The following SNW1 variants were observed in gnomAD, a reference collection of about 807,000 sequenced individuals.
SNW1 encodes the protein SNW domain-containing protein 1.
Under a neutral mutation model 75.6 loss-of-function variants are expected in SNW1, and 9 were observed. The ratio of observed to expected loss-of-function variants is 0.12; its 90% CI spans 0.07 to 0.21. The LOEUF is 0.21. Among genes scored for constraint, SNW1 ranks in the 10% least tolerant of loss-of-function variants. SNW1 has a pLI of 1.00. For synonymous variants in SNW1, 200 were observed against 219.1 expected (o/e 0.91, Z 0.77); for missense variants, 409 against 670.9 (o/e 0.61, Z 4.31).
At chr14:77,756,617 C>T (rs771378580) in intron 1 of SNW1, among the ~76,000 whole-genome samples, 1 of 152,154 alleles carries the variant, frequency 6.6e-6, no homozygotes, top group Non-Finnish European at 1.5e-5. Context: ...GCCATGGTGG[C>T]TCACACCTGT....
chr14:77,740,833 A>G (rs768682356), intron 3 of SNW1, among the ~76,000 whole-genome samples: 1 of 152,182 alleles, frequency 6.6e-6, no homozygotes, highest in Non-Finnish European at 1.5e-5. Flanking sequence ...ACGGTGGCTC[A>G]CGCCTGTAAT....
At chr14:77,734,905 A>G (rs372137817) in intron 8 of SNW1, 42 bp downstream of exon 8, 13 of 1,341,758 alleles carry the variant, frequency 9.7e-6, no homozygotes, top group African/African-American at 1.4e-5. Flanking sequence ...GGTGTTTTCC[A>G]GTAGGTTATA....
At chr14:77,753,138 T>C (rs772922280) in intron 2 of SNW1, among the ~76,000 whole-genome samples, 7 of 152,226 alleles carry the variant, frequency 4.6e-5, no homozygotes, top group Non-Finnish European at 1.0e-4. Flanking sequence ...GCAGCATCCA[T>C]AGCATTTCCA....
chr14:77,740,747 G>A (rs1396912877), intron 3 of SNW1, among the ~76,000 whole-genome samples: 1 of 152,112 alleles, frequency 6.6e-6, no homozygotes, highest in Non-Finnish European at 1.5e-5. Flanking sequence ...GATCAAGACT[G>A]TTCACAGCAT....
intron 10 of SNW1, among the ~76,000 whole-genome samples, chr14:77,723,569 T>G (rs183615900): frequency 1.6e-3 from 251 of 152,136 alleles, no homozygotes; most frequent in Non-Finnish European, 1.3e-3. Flanking sequence ...GAGGCTGGTC[T>G]CAAACTCCAG....
At chr14:77,727,197 G>A (rs1409116571) in intron 10 of SNW1, among the ~76,000 whole-genome samples, 5 of 152,094 alleles carry the variant, frequency 3.3e-5, no homozygotes, top group Non-Finnish European at 7.4e-5. Context: ...GGGATTACAG[G>A]TGAACGCCAT....
intron 3 of SNW1, among the ~76,000 whole-genome samples, chr14:77,740,687 G>GTAGTA (rs374815105): frequency 5.3e-5 from 8 of 152,090 alleles, no homozygotes; most frequent in African/African-American, 1.7e-4. Flanking sequence ...GATTGCCTTA[G>GTAGTA]TAGTAACCCC....
rs530580420 is a variant in SNW1 at position 77,741,334 on chromosome 14, C to T, written c.331-2273G>A. 2.6e-5 allele frequency among the ~76,000 whole-genome samples: 4 copies of T among 152,096 alleles called. No homozygotes were observed. The South Asian group carries it at 8.3e-4, about 32-fold the overall frequency. On this transcript the variant is annotated intron_variant, in intron 3 of 13. Transcript: ENST00000261531. The stretch of plus-strand genomic sequence containing the variant: ...TTCGAGACCAGCCAGGGCAACATGG[C>T]AAGACCTATCTCTATTTTAAAGAAT...
chr14:77,756,484 G>A (rs1012027571), intron 1 of SNW1, among the ~76,000 whole-genome samples: 2 of 152,196 alleles, frequency 1.3e-5, no homozygotes, highest in African/African-American at 4.8e-5. Flanking sequence ...CTACTTCAGT[G>A]TAAATACAAA....
At position 77,755,021 on chromosome 14, in the gene SNW1, T is replaced by G. The variant is rs61743989; in HGVS notation, c.114A>C (p.Arg38=). 8,304 of 1,611,118 alleles carry G rather than the reference T, an allele frequency of 5.2e-3. 255 individuals carry two copies. The African/African-American group carries it at 0.072, about 14-fold the overall frequency. ...GGTATCCGTACGGGGGAGGTTCTCT[T>G]CGGGAGGAGACCAGTGAGGTCTGCC... ...RSRQTSLVSS[R]REPPPYGYRK... The change falls in exon 2 of 14, where the codon CGA becomes CGC. Residue 38 remains arginine, a synonymous_variant. Coordinates refer to ENST00000261531, the MANE Select transcript of SNW1 (RefSeq NM_012245.3).
At chr14:77,752,940 A>C (rs1790291716) in intron 2 of SNW1, among the ~76,000 whole-genome samples, 1 of 152,184 alleles carries the variant, frequency 6.6e-6, no homozygotes, top group Admixed American at 6.6e-5. Flanking sequence ...TCCTAAGATA[A>C]GTGCTTCCCG....
chr14:77,744,665 T>G (rs989141647), intron 3 of SNW1, among the ~76,000 whole-genome samples: 3 of 152,118 alleles, frequency 2.0e-5, no homozygotes, highest in African/African-American at 7.2e-5. Flanking sequence ...AACTCCTGCT[T>G]TCCAGTCTTG....
intron 3 of SNW1, among the ~76,000 whole-genome samples, chr14:77,744,135 CAAAAA>C (rs11335114): frequency 8.2e-6 from 1 of 121,744 alleles, no homozygotes. Context: ...GACTCCATCT[CAAAAA>C]AAAAAAAAAA....
At chr14:77,743,285 C>G (rs955650309) in intron 3 of SNW1, among the ~76,000 whole-genome samples, 3 of 151,758 alleles carry the variant, frequency 2.0e-5, no homozygotes, top group African/African-American at 7.3e-5. Flanking sequence ...TTGGTTGTAT[C>G]AAGATTTACA....
chr14:77,733,742 C>CAAAAAAAAAAAA (rs35483765), intron 8 of SNW1, among the ~76,000 whole-genome samples: 6 of 64,850 alleles, frequency 9.3e-5, no homozygotes, highest in African/African-American at 1.2e-4. Flanking sequence ...GAGACCGTCT[C>CAAAAAAAAAAAA]AAAAAAAAAA....
chr14:77,745,339 CAA>C (rs1481967262), intron 3 of SNW1, among the ~76,000 whole-genome samples: 1 of 152,152 alleles, frequency 6.6e-6, no homozygotes, highest in Non-Finnish European at 1.5e-5. Flanking sequence ...TGGGAAGTCT[CAA>C]GAGAGAATGT....
At position 77,723,225 on chromosome 14, in the gene SNW1, C is replaced by G; in HGVS notation, c.1086G>C (p.Glu362Asp). 1.2e-6 allele frequency: 2 copies of G among 1,614,174 alleles called. No homozygotes were observed. The change falls in exon 11 of 14, where the codon GAG becomes GAC. Residue 362 changes from glutamate (E) to aspartate (D), a missense_variant. This residue lies in a region of SNW1 where 126 missense variants were observed against 167.6 expected (regional missense o/e 0.75). Coordinates refer to ENST00000261531, the MANE Select transcript of SNW1 (RefSeq NM_012245.3). ...RDEIRHDRRK[E>D]RQHDRNLSRA... ...TGGAAAGATTCCGGTCATGCTGTCT[C>G]TCTTTTCGCCTGTCATGCCGGATTT...
intron 2 of SNW1, among the ~76,000 whole-genome samples, chr14:77,754,427 C>T (rs908017438): frequency 1.3e-5 from 2 of 152,022 alleles, no homozygotes; most frequent in Non-Finnish European, 2.9e-5. Flanking sequence ...TCAAATCAAC[C>T]AAATTTTGTC....
intron 1 of SNW1, 185 bp downstream of exon 1, chr14:77,760,929 T>C (rs2080885414): frequency 5.8e-6 from 8 of 1,390,212 alleles, no homozygotes; most frequent in Admixed American, 1.8e-5. Context: ...GGGAAACCGC[T>C]GAAAGACCCC....
Sources: allele counts gnomAD v4.1 joint callset (sites outside exome capture counted in the v4.1 genomes callset), GRCh38; gene constraint gnomAD v4.1.1; regional missense constraint gnomAD v4.1.1; transcripts MANE v1.5; gene names NCBI Gene and HGNC (gene_info 2026-07-23, HGNC 2026-07-21).